Variants in CTDP1 observed in about 807,000 individuals in gnomAD.
The protein encoded by CTDP1 is RNA polymerase II subunit A C-terminal domain phosphatase.
A neutral mutation model predicts 91.8 loss-of-function variants in CTDP1; 47 were observed. The ratio of observed to expected loss-of-function variants is 0.51; its 90% CI spans 0.41 to 0.65. The LOEUF (loss-of-function observed/expected upper bound fraction) is 0.65, where lower values mean the gene tolerates loss of function less well. CTDP1 is among the 30% of genes least tolerant of loss of function. The pLI is 0.00. For synonymous variants in CTDP1, 656 were observed against 598.5 expected, an observed-to-expected ratio of 1.10 and a Z score of -1.40; for missense variants, 1,272 against 1,373.7, an observed-to-expected ratio of 0.93 and a Z score of 1.17.
At chr18:79,712,920 G>C in intron 6 of CTDP1, 52 bp from the exon 7 acceptor site, 1 of 1,584,362 alleles carries the variant, frequency 6.3e-7, no homozygotes, top group Non-Finnish European at 8.7e-7. Context: ...CAAGATGAAT[G>C]ACTACAACTT....
rs1351846436 is a variant in CTDP1, at chr18:79,742,166, AGGAAGCATGAAGCAT to A, written c.2747+5647_2747+5661del. Among the ~76,000 whole-genome samples the A allele has an allele frequency of 1.3e-3, 114 of 88,630 alleles. 1 individual carries two copies. The highest frequency in any genetic ancestry group is 4.2e-3 in the African/African-American group (103 of 24,400). 58.1% of individuals were successfully genotyped at this position (88,630 alleles called of 152,430 possible). On this transcript the variant is annotated intron_variant, in intron 12 of 12. Transcript: ENST00000613122. Reference sequence around the variant, plus strand: ...TGAGGTGGAGGCCTGGGGGCAGCAGAGGAAGCATGAAGCATGAGAGAGAGAGAGAGAGAGAGAGAG... The same window carrying A: ...TGAGGTGGAGGCCTGGGGGCAGCAGAGAGAGAGAGAGAGAGAGAGAGAGAG...
rs368389494 is a variant in CTDP1 at position 79,736,986 on chromosome 18, CT to C, written c.2747+466del. On this transcript the variant is annotated intron_variant, in intron 12 of 12. Transcript: ENST00000613122. ...GCGTGTGCAGGGTCTGCACATGGCACTGCTGGTCAGGAGCCAGCGTCCTGCA... is the reference window on the plus strand; with the variant it reads ...GCGTGTGCAGGGTCTGCACATGGCACGCTGGTCAGGAGCCAGCGTCCTGCA... Among the ~76,000 whole-genome samples the C allele has an allele frequency of 2.8e-4, 42 of 152,346 alleles. No individual in the cohort carries two copies. In the South Asian group the frequency reaches 8.5e-3, roughly 31 times the overall value.
intron 1 of CTDP1, among the ~76,000 whole-genome samples, chr18:79,682,393 TGTG>T (rs2085392668): frequency 6.6e-6 from 1 of 152,306 alleles, no homozygotes; most frequent in Admixed American, 6.5e-5. Context: ...AGTGTGGACT[TGTG>T]GTGGCTTTGC....
At chr18:79,744,488 G>A (rs369029580) in intron 12 of CTDP1, among the ~76,000 whole-genome samples, 7 of 152,352 alleles carry the variant, frequency 4.6e-5, no homozygotes, top group South Asian at 4.1e-4. Flanking sequence ...TGAACGTGAG[G>A]GGATTCAGAG....
upstream of CTDP1, chr18:79,678,114 A>T (rs1344780481): frequency 1.3e-5 from 2 of 152,274 alleles, no homozygotes; most frequent in African/African-American, 4.8e-5. Flanking sequence ...GCTAAAAGGC[A>T]CTGTGCCCCT....
At chr18:79,689,879 T>C (rs1479790919) in intron 1 of CTDP1, among the ~76,000 whole-genome samples, 1 of 152,192 alleles carries the variant, frequency 6.6e-6, no homozygotes, top group Non-Finnish European at 1.5e-5. Flanking sequence ...ACAAAACTTA[T>C]CCCAGCTGTG....
At chr18:79,719,133 C>T (rs542238425) in intron 10 of CTDP1, among the ~76,000 whole-genome samples, 11 of 152,336 alleles carry the variant, frequency 7.2e-5, no homozygotes, top group African/African-American at 1.7e-4. Flanking sequence ...AGCCGGCTTT[C>T]GGGAGAGGCC....
At chr18:79,696,210 C>T in intron 3 of CTDP1, 140 bp downstream of exon 3, 2 of 766,446 alleles carry the variant, frequency 2.6e-6, no homozygotes, top group Non-Finnish European at 4.5e-6. Flanking sequence ...ACACGGATGA[C>T]TTATGGGACT....
chr18:79,737,612 G>A (rs1472660610), intron 12 of CTDP1, among the ~76,000 whole-genome samples: 1 of 152,106 alleles, frequency 6.6e-6, no homozygotes, highest in Non-Finnish European at 1.5e-5. Flanking sequence ...AACCCAGGGT[G>A]TGGAGAGGTC....
At chr18:79,709,804 AGT>A (rs1450527877) in intron 5 of CTDP1, among the ~76,000 whole-genome samples, 1 of 152,224 alleles carries the variant, frequency 6.6e-6, no homozygotes, top group African/African-American at 2.4e-5. Flanking sequence ...TACAACACAG[AGT>A]GTGAGTTTGT....
Position 79,714,587 on chromosome 18 carries a change from G to A in CTDP1, c.1127G>A (p.Gly376Asp). ...GCCCCTGGAGTGGAGCCCAGCAATGGCCTGGAGAAGCCTGCACGGGAGCTG... is the reference window on the plus strand; with the variant it reads ...GCCCCTGGAGTGGAGCCCAGCAATGACCTGGAGAAGCCTGCACGGGAGCTG... ...TQAPGVEPSNGLEKPARELNG... is the reference protein window; with the variant it reads ...TQAPGVEPSNDLEKPARELNG... Residue 376 changes from glycine to aspartate, a missense_variant, in exon 8 of 13, where the codon GGC becomes GAC. This residue lies in a region of CTDP1 where 881 missense variants were observed against 911.6 expected (regional missense o/e 0.97). Coordinates refer to ENST00000613122, the MANE Select transcript of CTDP1 (RefSeq NM_004715.5). The A allele has an allele frequency of 6.2e-7, 1 of 1,613,072 alleles. No individual in the cohort carries two copies. The highest frequency in any genetic ancestry group is 8.5e-7 in the Non-Finnish European group (1 of 1,180,032).
At chr18:79,707,728 C>T (rs1048945087) in intron 5 of CTDP1, among the ~76,000 whole-genome samples, 14 of 152,180 alleles carry the variant, frequency 9.2e-5, no homozygotes, top group African/African-American at 3.1e-4. Flanking sequence ...TCAGGAAGGC[C>T]GAGCTTTGCT....
Position 79,707,448 on chromosome 18 carries a change from A to T in CTDP1, c.772+2531A>T, listed in dbSNP as rs138234071. ...TGCTGGTGGGCGCTTGGCTGCGGAG[A>T]GCCTCGAGCGCGGGTCCTCCTGCAG... is the stretch of plus-strand genomic sequence containing the variant. On this transcript the variant is annotated intron_variant, in intron 5 of 12. Transcript: ENST00000613122. Among the ~76,000 whole-genome samples, 15 of 152,342 alleles carry T rather than the reference A, an allele frequency of 9.8e-5. No individual in the cohort carries two copies. The East Asian group carries it at 2.3e-3, about 24-fold the overall frequency.
chr18:79,695,988 A>G lies in CTDP1; in HGVS notation c.410A>G (p.Lys137Arg). 6.2e-7 allele frequency: 1 copy of G among 1,612,550 alleles called. No individual in the cohort carries two copies. The highest frequency in any genetic ancestry group is 8.5e-7 in the Non-Finnish European group (1 of 1,180,020). The change falls in exon 3 of 13, where the codon AAG becomes AGG. Residue 137 changes from lysine to arginine, a missense_variant. By Grantham distance (26) the Lys-to-Arg change is conservative. This residue lies in a region of CTDP1 where 177 missense variants were observed against 283.0 expected (regional missense o/e 0.63). Coordinates refer to ENST00000613122, the MANE Select transcript of CTDP1 (RefSeq NM_004715.5). The part of the protein sequence containing the change: ...CGQDLTQLQS[K>R]NGKQQVPLST... ...CCTTGCACTTGCAGGTTGCAGAGTA[A>G]GAACGGGAAGCAGCAGGTGCCGCTG...
At chr18:79,697,470 A>G (rs912706555) in intron 3 of CTDP1, among the ~76,000 whole-genome samples, 1 of 152,202 alleles carries the variant, frequency 6.6e-6, no homozygotes, top group Non-Finnish European at 1.5e-5. Context: ...TTCTGAGCGC[A>G]TTGCCCTTAC....
chr18:79,714,982 C>T lies in CTDP1; in HGVS notation c.1522C>T (p.Pro508Ser). 6.3e-7 allele frequency: 1 copy of T among 1,574,970 alleles called. No individual in the cohort carries two copies. The highest frequency in any genetic ancestry group is 8.6e-7 in the Non-Finnish European group (1 of 1,161,256). The change falls in exon 8 of 13, where the codon CCT becomes TCT. Residue 508 changes from proline to serine, a missense_variant. Coordinates refer to ENST00000613122, the MANE Select transcript of CTDP1 (RefSeq NM_004715.5). ...GGGCAGTTCCCTGGAGCCGGGGCGG[C>T]CTGCAGCACCGAGTCTCCCCGGAGA... ...AQGSSLEPGR[P>S]AAPSLPGEAE...
intron 1 of CTDP1, among the ~76,000 whole-genome samples, chr18:79,694,500 G>A (rs1239557996): frequency 2.9e-5 from 4 of 138,252 alleles, no homozygotes; most frequent in Non-Finnish European, 6.2e-5. Flanking sequence ...TGTCCACGGG[G>A]TGGGGTGGTC....
intron 4 of CTDP1, among the ~76,000 whole-genome samples, chr18:79,704,158 G>A (rs940636578): frequency 2.0e-5 from 3 of 152,184 alleles, no homozygotes; most frequent in Admixed American, 2.0e-4. Flanking sequence ...TCACTCACTC[G>A]TACCGCGTGC....
chr18:79,680,147 G>A lies in CTDP1; in HGVS notation c.200G>A (p.Arg67His). ...SAQSSGASQSRVASGGCVRPA... is the reference protein window; with the variant it reads ...SAQSSGASQSHVASGGCVRPA... ...CAGTCCTCCGGGGCCTCTCAGTCCC[G>A]TGTAGCCTCCGGGGGCTGCGTGCGC... Residue 67 changes from arginine (R) to histidine (H), a missense_variant, in exon 1 of 13, where the codon CGT becomes CAT. Around this residue, in one of 3 missense-constraint regions of CTDP1, gnomAD observed 214 missense variants for 179.1 expected, o/e 1.19. Transcript: ENST00000613122. The A allele has an allele frequency of 7.0e-7, 1 of 1,425,404 alleles. No homozygotes were observed. Among genetic ancestry groups the A allele is most frequent in the South Asian group, 1.4e-5 (1 of 70,862 alleles). 88.3% of individuals were successfully genotyped at this position (1,425,404 alleles called of 1,614,324 possible). A position where few individuals can be genotyped will look rare whatever the true frequency, so the allele number is the denominator to read the frequency against.
Sources: allele counts gnomAD v4.1 joint callset (sites outside exome capture counted in the v4.1 genomes callset), GRCh38; gene constraint gnomAD v4.1.1; regional missense constraint gnomAD v4.1.1; transcripts MANE v1.5; gene names NCBI Gene and HGNC (gene_info 2026-07-23, HGNC 2026-07-21).